Variants in ZNF146 observed in about 807,000 individuals in gnomAD.
ZNF146 encodes the protein zinc finger protein 146, also known as zinc finger protein OZF.
A neutral mutation model predicts 22.2 loss-of-function variants in ZNF146; 9 were observed. That is an observed-to-expected ratio of 0.41 (90% CI 0.24 to 0.71). ZNF146 has a LOEUF of 0.71. ZNF146 is among the 30% of genes least tolerant of loss of function. The pLI is 0.34. For missense variants in ZNF146, 194 were observed against 344.8 expected, an observed-to-expected ratio of 0.56 and a Z score of 3.46; for synonymous variants, 108 against 119.2, an observed-to-expected ratio of 0.91 and a Z score of 0.61.
intron 3 of ZNF146, among the ~76,000 whole-genome samples, chr19:36,229,470 G>GA (rs1432794637): frequency 6.6e-6 from 1 of 152,020 alleles, no homozygotes; most frequent in African/African-American, 2.4e-5. Flanking sequence ...TCAGACTCCC[G>GA]AAAAAATCTC....
At chr19:36,228,103 T>A (rs1050553384) in intron 2 of ZNF146, among the ~76,000 whole-genome samples, 1 of 140,956 alleles carries the variant, frequency 7.1e-6, no homozygotes, top group Non-Finnish European at 1.5e-5. Flanking sequence ...GTGGTTGCAG[T>A]GGGCTGAGAT....
chr19:36,236,382 C>T lies in ZNF146; in HGVS notation c.-59C>T. On this transcript the variant is annotated 5_prime_UTR_variant, in exon 4 of 4. Coordinates refer to ENST00000443387, the MANE Select transcript of ZNF146 (RefSeq NM_007145.3). ...ATCTTCAGCCAAAAGTAAATCCTCA[C>T]TCATCAAGAAATTTTTACTGGAGAG... 2 of 1,532,878 alleles carry T rather than the reference C, an allele frequency of 1.3e-6. No individual in the cohort carries two copies. Among genetic ancestry groups the T allele is most frequent in the Non-Finnish European group, 1.7e-6 (2 of 1,144,302 alleles). 95.0% of individuals were successfully genotyped at this position (1,532,878 alleles called of 1,614,324 possible). A position where few individuals can be genotyped will look rare whatever the true frequency, so the allele number is the denominator to read the frequency against.
rs1012415333 is a variant in ZNF146 at position 36,238,464 on chromosome 19, T to G, written c.*1145T>G. On this transcript the variant is annotated 3_prime_UTR_variant, in exon 4 of 4. Coordinates refer to ENST00000443387, the MANE Select transcript of ZNF146 (RefSeq NM_007145.3). Reference sequence around the variant, plus strand: ...TTCAGCTTTTTATATAAACATCCACTTCTCTTTCAAAAGACTTCAAGTAAA... The same window carrying G: ...TTCAGCTTTTTATATAAACATCCACGTCTCTTTCAAAAGACTTCAAGTAAA... 1.8e-5 allele frequency: 3 copies of G among 167,102 alleles called. No homozygotes were observed. The highest frequency in any genetic ancestry group is 7.2e-5 in the African/African-American group (3 of 41,456). 10.4% of individuals were successfully genotyped at this position (167,102 alleles called of 1,614,324 possible). A position where few individuals can be genotyped will look rare whatever the true frequency, so the allele number is the denominator to read the frequency against.
At chr19:36,230,968 T>G (rs1311634900) in intron 3 of ZNF146, among the ~76,000 whole-genome samples, 2 of 152,064 alleles carry the variant, frequency 1.3e-5, no homozygotes, top group African/African-American at 2.4e-5. Flanking sequence ...CGCCGGCTAA[T>G]TTTTGTATTT....
chr19:36,221,507 C>A (rs1475986029), intron 2 of ZNF146, among the ~76,000 whole-genome samples: 1 of 152,048 alleles, frequency 6.6e-6, no homozygotes, highest in Non-Finnish European at 1.5e-5. Flanking sequence ...CCAGGATGAT[C>A]TTGATCTCCT....
chr19:36,222,777 GC>G (rs1976903016), intron 2 of ZNF146, among the ~76,000 whole-genome samples: 1 of 78,298 alleles, frequency 1.3e-5, no homozygotes, highest in Non-Finnish European at 2.5e-5. Flanking sequence ...ATGAGTGGTG[GC>G]TTTTTTTTTT....
chr19:36,234,000 T>C (rs1977524171), intron 3 of ZNF146, among the ~76,000 whole-genome samples: 1 of 152,174 alleles, frequency 6.6e-6, no homozygotes, highest in African/African-American at 2.4e-5. Context: ...CCTTGGACAA[T>C]ACCTGGCTTT....
chr19:36,232,977 A>G lies in ZNF146; in HGVS notation c.-782-2682A>G, dbSNP rs536096689. 7.2e-5 allele frequency among the ~76,000 whole-genome samples: 11 copies of G among 152,362 alleles called. No individual in the cohort carries two copies. The East Asian group carries it at 1.9e-3, about 27-fold the overall frequency. The stretch of plus-strand genomic sequence containing the variant: ...CTTATGTACCCCCCATGTGGATTGA[A>G]TAATTAATATTTTGCCACGCTTTTG... On this transcript the variant is annotated intron_variant, in intron 3 of 3. Transcript: ENST00000443387.
In ZNF146 at chr19:36,238,170, G is replaced by T. The variant is rs1482332426; in HGVS notation, c.*851G>T. The T allele has an allele frequency of 3.6e-5, 6 of 167,086 alleles. No individual in the cohort carries two copies. The East Asian group carries it at 1.2e-3, about 32-fold the overall frequency. 10.4% of individuals were successfully genotyped at this position (167,086 alleles called of 1,614,324 possible). On this transcript the variant is annotated 3_prime_UTR_variant, in exon 4 of 4. Coordinates refer to ENST00000443387, the MANE Select transcript of ZNF146 (RefSeq NM_007145.3). ...AAAATGCAACAAATGAAATCCACAT[G>T]TATTAACAGAAAGATCCCAGAATTG...
At chr19:36,231,455 C>T (rs1415158960) in intron 3 of ZNF146, among the ~76,000 whole-genome samples, 1 of 152,014 alleles carries the variant, frequency 6.6e-6, no homozygotes, top group Admixed American at 6.6e-5. Context: ...GTGATCTGCC[C>T]GCCTCAGCCT....
At chr19:36,218,477 T>C (rs950093761) in intron 2 of ZNF146, among the ~76,000 whole-genome samples, 1 of 147,902 alleles carries the variant, frequency 6.8e-6, no homozygotes, top group Admixed American at 6.8e-5. Flanking sequence ...TAATATTTCT[T>C]TTTTTTTTTT....
intron 3 of ZNF146, among the ~76,000 whole-genome samples, chr19:36,230,857 A>G (rs942840854): frequency 6.6e-6 from 1 of 152,108 alleles, no homozygotes; most frequent in Non-Finnish European, 1.5e-5. Context: ...GCTGGAGTAC[A>G]GTGGTGCGAT....
Position 36,236,168 on chromosome 19 carries a change from A to C in ZNF146, c.-273A>C. On this transcript the variant is annotated 5_prime_UTR_variant, in exon 4 of 4. Transcript: ENST00000443387. ...TAGCTAGATGACAATCTCATTGAGA[A>C]GCAGAAAATTCATGCTGGAGAGAAA... 2.8e-6 allele frequency: 1 copy of C among 362,294 alleles called. No individual in the cohort carries two copies. Among genetic ancestry groups the C allele is most frequent in the Non-Finnish European group, 5.0e-6 (1 of 201,940 alleles). The allele number at this position is 362,294 out of a possible 1,614,324, so 22.4% of individuals were successfully genotyped here.
At chr19:36,216,657 A>G (rs1028730008) in intron 1 of ZNF146, among the ~76,000 whole-genome samples, 6 of 151,864 alleles carry the variant, frequency 4.0e-5, no homozygotes, top group Admixed American at 6.6e-5. Flanking sequence ...TTCCGTCTCA[A>G]TAATAGTAAT....
At chr19:36,224,580 G>A (rs1248936542) in intron 2 of ZNF146, among the ~76,000 whole-genome samples, 1 of 152,096 alleles carries the variant, frequency 6.6e-6, no homozygotes, top group African/African-American at 2.4e-5. Flanking sequence ...TTACTTTGTG[G>A]TATAGCTAGT....
rs887435679 is a variant in ZNF146, at chr19:36,238,399, A to G, written c.*1080A>G. On this transcript the variant is annotated 3_prime_UTR_variant, in exon 4 of 4. Coordinates refer to ENST00000443387, the MANE Select transcript of ZNF146 (RefSeq NM_007145.3). ...TGTGAAGAGTGGAGAAGGGAAAATA[A>G]TGAGTGTGGGAGGTGGGATGGGTAT... is the stretch of plus-strand genomic sequence containing the variant. The G allele has an allele frequency of 1.2e-5, 2 of 167,208 alleles. No homozygotes were observed. The highest frequency in any genetic ancestry group is 3.4e-3 in the Middle Eastern group (1 of 296). The allele number at this position is 167,208 out of a possible 1,614,324, so 10.4% of individuals were successfully genotyped here.
intron 3 of ZNF146, among the ~76,000 whole-genome samples, chr19:36,232,995 C>T (rs557589131): frequency 1.3e-5 from 2 of 152,320 alleles, no homozygotes; most frequent in South Asian, 2.1e-4. Context: ...TATTTTGCCA[C>T]GCTTTTGTAT....
chr19:36,234,540 G>A (rs1977561083), intron 3 of ZNF146, among the ~76,000 whole-genome samples: 1 of 152,102 alleles, frequency 6.6e-6, no homozygotes, highest in Admixed American at 6.6e-5. Context: ...TTTGCATCTG[G>A]TTGCTCGCCA....
chr19:36,237,351 CT>C lies in ZNF146; in HGVS notation c.*35del. On this transcript the variant is annotated 3_prime_UTR_variant, in exon 4 of 4. Transcript: ENST00000443387. ...CATGAAAGCCTTGAAAGTGGGAAAG[CT>C]TTCATTAGAAATTTGCACCTCATCA... The C allele has an allele frequency of 6.4e-7, 1 of 1,553,938 alleles. No homozygotes were observed. The highest frequency in any genetic ancestry group is 2.3e-5 in the East Asian group (1 of 44,278).
Sources: allele counts gnomAD v4.1 joint callset (sites outside exome capture counted in the v4.1 genomes callset), GRCh38; gene constraint gnomAD v4.1.1; transcripts MANE v1.5; gene names NCBI Gene and HGNC (gene_info 2026-07-23, HGNC 2026-07-21).